COL23A1: variants seen among roughly 807,000 people sequenced by gnomAD.
The protein encoded by COL23A1 is collagen alpha-1(XXIII) chain.
In COL23A1, 97 loss-of-function variants were observed where a neutral mutation model predicts 99.3. That is an observed-to-expected ratio of 0.98 (90% CI 0.83 to 1.16). COL23A1 has a LOEUF of 1.16. COL23A1 is among the 50% of genes most tolerant of loss of function. The pLI is 0.00. For synonymous variants in COL23A1, 320 were observed against 308.2 expected (o/e 1.04, Z -0.40); for missense variants, 762 against 757.4 (o/e 1.01, Z -0.07).
chr5:178,467,093 C>T (rs1028544643), intron 2 of COL23A1, among the ~76,000 whole-genome samples: 1 of 152,234 alleles, frequency 6.6e-6, no homozygotes, highest in Non-Finnish European at 1.5e-5. Flanking sequence ...TGGAGAAACT[C>T]GTGAGAAGGT....
rs370927786 is a variant in COL23A1, at chr5:178,401,320, C to T, written c.362-94401G>A. On this transcript the variant is annotated intron_variant, in intron 2 of 28. Coordinates refer to ENST00000390654, the MANE Select transcript of COL23A1 (RefSeq NM_173465.4). ...TAGTGCGGCTATGAACACTGGGGTA[C>T]GAGCATCTGTTTGAGTCCCTGCTTT... Among the ~76,000 whole-genome samples the T allele has an allele frequency of 5.3e-5, 8 of 152,216 alleles. No homozygotes were observed. The East Asian group carries it at 1.2e-3, about 22-fold the overall frequency.
At position 178,428,976 on chromosome 5, in the gene COL23A1, G is replaced by C. The variant is rs1405783224; in HGVS notation, c.362-122057C>G. Among the ~76,000 whole-genome samples, 2 of 152,068 alleles carry C rather than the reference G, an allele frequency of 1.3e-5. No individual in the cohort carries two copies. Among genetic ancestry groups the C allele is most frequent in the Non-Finnish European group, 2.9e-5 (2 of 68,014 alleles). ...TGTCCTGAGACCCTACCACACCCCA[G>C]TGCTGCCCAGGCCCAGCACCCGGGG... On this transcript the variant is annotated intron_variant, in intron 2 of 28. Coordinates refer to ENST00000390654, the MANE Select transcript of COL23A1 (RefSeq NM_173465.4). The surrounding 1 kb of genome is among the most constrained non-coding windows in gnomAD (Gnocchi z 5.0).
At chr5:178,410,386 G>A (rs148579657) in intron 2 of COL23A1, among the ~76,000 whole-genome samples, 394 of 152,214 alleles carry the variant, frequency 2.6e-3, no homozygotes, top group African/African-American at 9.1e-3. Context: ...AAATTCATAC[G>A]GAATAGCAAG....
intron 2 of COL23A1, among the ~76,000 whole-genome samples, chr5:178,419,116 T>G (rs919824143): frequency 2.0e-5 from 3 of 152,192 alleles, no homozygotes; most frequent in African/African-American, 7.2e-5. Context: ...CACTCGCTTT[T>G]AAGGTGAGGG....
intron 1 of COL23A1, among the ~76,000 whole-genome samples, chr5:178,571,332 A>T (rs1318816626): frequency 1.3e-5 from 2 of 152,172 alleles, no homozygotes; most frequent in East Asian, 3.9e-4. Flanking sequence ...ACTGCACTCC[A>T]GCCTGGGTGA....
intron 19 of COL23A1, among the ~76,000 whole-genome samples, 157 bp downstream of exon 19, chr5:178,248,960 G>A (rs1444556848): frequency 1.3e-5 from 2 of 152,324 alleles, no homozygotes; most frequent in East Asian, 1.9e-4. Flanking sequence ...GGAGGACAGC[G>A]CTGGCCCAGA....
chr5:178,311,484 C>CTGTGTGTG (rs1006253790), intron 2 of COL23A1, among the ~76,000 whole-genome samples: 52 of 58,186 alleles, frequency 8.9e-4, no homozygotes, highest in African/African-American at 2.9e-3. Flanking sequence ...GTTCTTTCCT[C>CTGTGTGTG]TGTGTGTGTG....
intron 2 of COL23A1, among the ~76,000 whole-genome samples, chr5:178,485,795 A>C (rs1464094649): frequency 1.3e-5 from 2 of 151,532 alleles, no homozygotes; most frequent in South Asian, 2.1e-4. Flanking sequence ...AAAAAAAAAA[A>C]AAACACAGAA....
At chr5:178,476,084 C>T (rs1485609776) in intron 2 of COL23A1, among the ~76,000 whole-genome samples, 2 of 152,204 alleles carry the variant, frequency 1.3e-5, no homozygotes, top group East Asian at 1.9e-4. Flanking sequence ...GCTAATCTGC[C>T]ATGTTGAATT....
chr5:178,536,059 A>G (rs1760920852), intron 2 of COL23A1, among the ~76,000 whole-genome samples: 1 of 152,262 alleles, frequency 6.6e-6, no homozygotes, highest in South Asian at 2.1e-4. Context: ...GTCCCCAGGG[A>G]TCTGGTCTGC....
intron 18 of COL23A1, 68 bp downstream of exon 18, chr5:178,249,992 CA>C: frequency 6.5e-7 from 1 of 1,532,570 alleles, no homozygotes; most frequent in Non-Finnish European, 9.0e-7. Flanking sequence ...CACGCACACA[CA>C]CACACACACA....
In COL23A1 at chr5:178,549,083, C is replaced by T. The variant is rs143832223; in HGVS notation, c.361+11599G>A. ...CGATCTCGGCTCACTGCAACCTCCG[C>T]TTCCCAGGTTCAAGCAATTCTCCTG... On this transcript the variant is annotated intron_variant, in intron 2 of 28. Coordinates refer to ENST00000390654, the MANE Select transcript of COL23A1 (RefSeq NM_173465.4). 6.0e-3 allele frequency among the ~76,000 whole-genome samples: 911 copies of T among 152,258 alleles called. 14 individuals are homozygous for T. Among genetic ancestry groups the T allele is most frequent in the African/African-American group, 0.02 (825 of 41,536 alleles).
At chr5:178,275,283 G>A (rs1756521330) in intron 5 of COL23A1, among the ~76,000 whole-genome samples, 1 of 152,242 alleles carries the variant, frequency 6.6e-6, no homozygotes. Flanking sequence ...CTGGATTAGG[G>A]TTTGCCCTGG....
In COL23A1 at chr5:178,310,489, C is replaced by T. The variant is rs183148033; in HGVS notation, c.362-3570G>A. Among the ~76,000 whole-genome samples, 3 of 152,334 alleles carry T rather than the reference C, an allele frequency of 2.0e-5. No homozygotes were observed. The East Asian group carries it at 5.8e-4, about 29-fold the overall frequency. On this transcript the variant is annotated intron_variant, in intron 2 of 28. Coordinates refer to ENST00000390654, the MANE Select transcript of COL23A1 (RefSeq NM_173465.4). This position sits in a 1 kb window ranked among gnomAD's most constrained non-coding sequence, Gnocchi z 4.3. ...GTCCTCTGAAGAAGGTGCTAGTGTT[C>T]CCTGCACAGATGAGAACTCTGGGGC... is the stretch of plus-strand genomic sequence containing the variant.
At chr5:178,578,172 C>G (rs1370743260) in intron 1 of COL23A1, among the ~76,000 whole-genome samples, 1 of 152,020 alleles carries the variant, frequency 6.6e-6, no homozygotes, top group African/African-American at 2.4e-5. Flanking sequence ...TACTTACGTG[C>G]ATATGCATAC....
intron 18 of COL23A1, among the ~76,000 whole-genome samples, chr5:178,249,716 A>ACACACTCACT: frequency 8.6e-5 from 8 of 92,808 alleles, no homozygotes; most frequent in East Asian, 4.2e-4. Flanking sequence ...ACACACACAC[A>ACACACTCACT]CTCTCTCTCT....
At chr5:178,321,463 T>G (rs1759300589) in intron 2 of COL23A1, among the ~76,000 whole-genome samples, 1 of 150,240 alleles carries the variant, frequency 6.7e-6, no homozygotes, top group Non-Finnish European at 1.5e-5. Flanking sequence ...TAACCTGTGA[T>G]GACGAGGTCA....
intron 2 of COL23A1, among the ~76,000 whole-genome samples, chr5:178,489,346 T>A (rs1013809947): frequency 3.9e-5 from 6 of 152,236 alleles, no homozygotes; most frequent in African/African-American, 1.4e-4. Flanking sequence ...CTCTCAGACC[T>A]TCAGCCTCAG....
chr5:178,574,247 G>A (rs1489374178), intron 1 of COL23A1, among the ~76,000 whole-genome samples: 1 of 152,162 alleles, frequency 6.6e-6, no homozygotes, highest in South Asian at 2.1e-4. Flanking sequence ...TCTGGGTGGA[G>A]ACAAGAAAGG....
Sources: allele counts gnomAD v4.1 joint callset (sites outside exome capture counted in the v4.1 genomes callset), GRCh38; gene constraint gnomAD v4.1.1; non-coding constraint Gnocchi (gnomAD v3.1); transcripts MANE v1.5; gene names NCBI Gene and HGNC (gene_info 2026-07-23, HGNC 2026-07-21).